Variants in TSHR observed in about 807,000 individuals in gnomAD.
TSHR encodes thyroid stimulating hormone receptor.
A neutral mutation model predicts 64.1 loss-of-function variants in TSHR; 51 were observed. The observed-to-expected ratio is 0.80, with a 90% confidence interval of 0.64 to 1.01. The LOEUF (loss-of-function observed/expected upper bound fraction) is 1.01. TSHR is among the 50% of genes least tolerant of loss of function. The probability of loss-of-function intolerance (pLI) is 0.00; values close to 1 mark genes in which losing one functional copy is unlikely to be tolerated. For synonymous variants in TSHR, 361 were observed against 361.9 expected (o/e 1.00, Z 0.03); for missense variants, 877 against 942.8 (o/e 0.93, Z 0.91).
intron 1 of TSHR, among the ~76,000 whole-genome samples, chr14:81,018,105 A>T (rs1182863863): frequency 2.0e-5 from 3 of 152,162 alleles, no homozygotes; most frequent in Non-Finnish European, 4.4e-5. Context: ...TGCAGGAATT[A>T]CAATAGTACC....
chr14:80,990,820 A>T (rs1241516544), intron 1 of TSHR, among the ~76,000 whole-genome samples: 1 of 152,102 alleles, frequency 6.6e-6, no homozygotes, highest in Non-Finnish European at 1.5e-5. Flanking sequence ...ACTCCTGGCT[A>T]ATTTTTATAT....
intron 1 of TSHR, 49 bp downstream of exon 1, chr14:80,955,899 T>G (rs980917340): frequency 6.2e-7 from 1 of 1,612,966 alleles, no homozygotes; most frequent in Non-Finnish European, 8.5e-7. Flanking sequence ...CAAGGGCATC[T>G]GCAGAGGTGG....
intron 8 of TSHR, among the ~76,000 whole-genome samples, chr14:81,127,962 G>T (rs964946371): frequency 6.6e-6 from 1 of 152,154 alleles, no homozygotes; most frequent in Admixed American, 6.5e-5. Context: ...TCACTGTGTG[G>T]TAGAATGCTG....
At chr14:80,982,766 C>G (rs1196819537) in intron 1 of TSHR, 1 of 627,250 alleles carries the variant, frequency 1.6e-6, no homozygotes, top group Non-Finnish European at 2.7e-6. Context: ...TATTCTTTGC[C>G]TGTGGCAACA....
At chr14:81,102,278 C>T (rs1178548117) in intron 7 of TSHR, among the ~76,000 whole-genome samples, 2 of 152,114 alleles carry the variant, frequency 1.3e-5, no homozygotes, top group African/African-American at 4.8e-5. Flanking sequence ...GCTTTCTCCT[C>T]AGACCATATC....
chr14:80,978,453 GA>G (rs1888004505), intron 1 of TSHR, among the ~76,000 whole-genome samples: 1 of 152,240 alleles, frequency 6.6e-6, no homozygotes, highest in Non-Finnish European at 1.5e-5. Context: ...TAACATCTGT[GA>G]AAGATAAAGG....
rs76847336 is a variant in TSHR at position 81,145,647 on chromosome 14, C to G, written c.*1294C>G. ...CTTTAGGGATGATTTTTGCCATTTC[C>G]AGTCCACGGTATGATACTAAAGCTG... On this transcript the variant is annotated 3_prime_UTR_variant, in exon 10 of 10. Transcript: ENST00000298171. 1 of 233,044 alleles carries G rather than the reference C, an allele frequency of 4.3e-6. No homozygotes were observed. The highest frequency in any genetic ancestry group is 2.2e-5 in the African/African-American group (1 of 45,344). The allele number at this position is 233,044 out of a possible 1,614,324, so 14.4% of individuals were successfully genotyped here. A position where few individuals can be genotyped will look rare whatever the true frequency, so the allele number is the denominator to read the frequency against.
At chr14:81,124,329 C>A (rs1381771954) in intron 8 of TSHR, among the ~76,000 whole-genome samples, 1 of 151,798 alleles carries the variant, frequency 6.6e-6, no homozygotes, top group Non-Finnish European at 1.5e-5. Flanking sequence ...GGTGAATACA[C>A]GATTTTCTAG....
intron 1 of TSHR, among the ~76,000 whole-genome samples, chr14:81,011,480 T>C (rs1257093533): frequency 6.6e-6 from 1 of 152,162 alleles, no homozygotes; most frequent in Non-Finnish European, 1.5e-5. Context: ...TTTTAAGTTA[T>C]TTTTTCAAAT....
At chr14:81,122,187 G>A (rs576932996) in intron 8 of TSHR, among the ~76,000 whole-genome samples, 2 of 150,700 alleles carry the variant, frequency 1.3e-5, no homozygotes, top group African/African-American at 4.9e-5. Flanking sequence ...GGGATTACAG[G>A]TGCCAACACC....
intron 1 of TSHR, among the ~76,000 whole-genome samples, chr14:81,000,354 T>A (rs1275932806): frequency 6.6e-6 from 1 of 152,176 alleles, no homozygotes; most frequent in Non-Finnish European, 1.5e-5. Context: ...TGTTTAACAA[T>A]GTTTTTCTGG....
At chr14:81,023,085 T>C (rs112714752) in intron 1 of TSHR, among the ~76,000 whole-genome samples, 17 of 152,256 alleles carry the variant, frequency 1.1e-4, no homozygotes, top group African/African-American at 3.1e-4. Flanking sequence ...GAAATAAATT[T>C]CTATTGTCCA....
At chr14:81,128,824 C>A (rs1051882240) in intron 8 of TSHR, among the ~76,000 whole-genome samples, 1 of 152,070 alleles carries the variant, frequency 6.6e-6, no homozygotes, top group Non-Finnish European at 1.5e-5. Context: ...CCCTGAATGC[C>A]CTATTTAAGT....
At chr14:81,134,443 C>T (rs952347243) in intron 8 of TSHR, among the ~76,000 whole-genome samples, 1 of 151,630 alleles carries the variant, frequency 6.6e-6, no homozygotes, top group Non-Finnish European at 1.5e-5. Context: ...ACCAAATACG[C>T]TGTTTTTAAA....
chr14:80,959,993 A>C (rs932881381), intron 1 of TSHR, among the ~76,000 whole-genome samples: 9 of 152,264 alleles, frequency 5.9e-5, no homozygotes, highest in Admixed American at 2.0e-4. Flanking sequence ...AAAAAACAAA[A>C]ATATAATTAA....
At position 81,103,920 on chromosome 14, in the gene TSHR, C is replaced by G. The variant is rs1031855379; in HGVS notation, c.615-4455C>G. On this transcript the variant is annotated intron_variant, in intron 7 of 9. Transcript: ENST00000298171. This position sits in a 1 kb window ranked among gnomAD's most constrained non-coding sequence, Gnocchi z 4.1. ...CCATTTTGATATGCTAAGAGCCCAC[C>G]AATACACTAATTATTATGAACAGAG... 1.0e-6 allele frequency: 1 copy of G among 985,388 alleles called. No homozygotes were observed. The highest frequency in any genetic ancestry group is 1.2e-6 in the Non-Finnish European group (1 of 829,904). The allele number at this position is 985,388 out of a possible 1,614,324, so 61.0% of individuals were successfully genotyped here. A position where few individuals can be genotyped will look rare whatever the true frequency, so the allele number is the denominator to read the frequency against.
chr14:81,102,935 A>G (rs1043945169), intron 7 of TSHR: 1 of 985,208 alleles, frequency 1.0e-6, no homozygotes, highest in Admixed American at 6.1e-5. Flanking sequence ...AAATTTTTTT[A>G]ATCAGTATTT....
chr14:80,956,108 A>G (rs1886663523), intron 1 of TSHR, among the ~76,000 whole-genome samples: 3 of 152,220 alleles, frequency 2.0e-5, no homozygotes, highest in Middle Eastern at 3.2e-3. Flanking sequence ...TGACCGTGAG[A>G]GCTGTTCTTT....
intron 1 of TSHR, chr14:81,033,356 A>G (rs934633872): frequency 2.7e-5 from 8 of 290,910 alleles, no homozygotes; most frequent in South Asian, 8.3e-5. Context: ...CCGAAAGTGA[A>G]TGACAGGGGC....
Sources: gnomAD v4.1 joint callset for allele counts (sites outside exome capture counted in the v4.1 genomes callset) on GRCh38, gnomAD v4.1.1 for gene constraint, Gnocchi (gnomAD v3.1) non-coding constraint, MANE v1.5 for transcripts, NCBI Gene and HGNC (gene_info 2026-07-23, HGNC 2026-07-21) for gene names.